Variants in LRP1B observed in about 807,000 individuals in gnomAD.
LRP1B encodes the protein low-density lipoprotein receptor-related protein 1B.
A neutral mutation model predicts 556.6 loss-of-function variants in LRP1B; 217 were observed. The ratio of observed to expected loss-of-function variants is 0.39; its 90% CI spans 0.35 to 0.44. The LOEUF is 0.44. Among genes scored for constraint, LRP1B ranks in the 20% least tolerant of loss-of-function variants. LRP1B has a pLI of 1.00. For missense variants in LRP1B, 5,053 were observed against 5,620.8 expected, an observed-to-expected ratio of 0.90 and a Z score of 3.23; for synonymous variants, 2,047 against 1,865.8, an observed-to-expected ratio of 1.10 and a Z score of -2.50.
intron 1 of LRP1B, among the ~76,000 whole-genome samples, chr2:141,932,392 A>T (rs2104997203): frequency 6.6e-6 from 1 of 152,210 alleles, no homozygotes; most frequent in Middle Eastern, 3.4e-3. Flanking sequence ...ACAACCGAAG[A>T]ATATACTCTT....
chr2:140,582,327 C>T (rs1049148481), intron 43 of LRP1B, among the ~76,000 whole-genome samples: 2 of 151,936 alleles, frequency 1.3e-5, no homozygotes, highest in South Asian at 4.1e-4. Flanking sequence ...TAAAAGCCCC[C>T]TAAGGGATGC....
At position 140,467,449 on chromosome 2, in the gene LRP1B, A is replaced by T. The variant is rs535457671; in HGVS notation, c.9625+7689T>A. 2.3e-3 allele frequency among the ~76,000 whole-genome samples: 317 copies of T among 136,980 alleles called. 2 individuals carry two copies. Among genetic ancestry groups the T allele is most frequent in the Admixed American group, 4.6e-3 (64 of 13,904 alleles). 89.9% of individuals were successfully genotyped at this position (136,980 alleles called of 152,430 possible). A position where few individuals can be genotyped will look rare whatever the true frequency, so the allele number is the denominator to read the frequency against. ...TGAAACCCCATCTCTAGTAAAAATT[A>T]AAAAAAAAAAAAATTTGCTGGGCCT... On this transcript the variant is annotated intron_variant, in intron 60 of 90. Transcript: ENST00000389484.
chr2:141,822,627 T>A lies in LRP1B; in HGVS notation c.83-12226A>T, dbSNP rs114530401. On this transcript the variant is annotated intron_variant, in intron 1 of 90. Transcript: ENST00000389484. ...ATGTGAAATCTCCTATCTATTATGC[T>A]GTGTTTTAACCATTAAAGGCCCTTC... is the stretch of plus-strand genomic sequence containing the variant. Among the ~76,000 whole-genome samples, 463 of 152,322 alleles carry A rather than the reference T, an allele frequency of 3.0e-3. 2 individuals are homozygous for A. The highest frequency in any genetic ancestry group is 0.011 in the African/African-American group (448 of 41,568).
intron 84 of LRP1B, among the ~76,000 whole-genome samples, chr2:140,284,001 G>C (rs1683021612): frequency 6.6e-6 from 1 of 151,560 alleles, no homozygotes; most frequent in Non-Finnish European, 1.5e-5. Flanking sequence ...ATAAGCATAT[G>C]AAGGCCTGAA....
At chr2:141,062,819 T>C (rs547621215) in intron 7 of LRP1B, among the ~76,000 whole-genome samples, 1 of 151,920 alleles carries the variant, frequency 6.6e-6, no homozygotes, top group South Asian at 2.1e-4. Context: ...AAATAATCAA[T>C]TCCCCACCAA....
chr2:140,312,714 T>A (rs570998765), intron 83 of LRP1B, among the ~76,000 whole-genome samples: 4 of 151,928 alleles, frequency 2.6e-5, no homozygotes, highest in Non-Finnish European at 4.4e-5. Flanking sequence ...ATAATCAATA[T>A]CAAAATATTT....
chr2:140,920,112 G>C (rs7562690), intron 21 of LRP1B, among the ~76,000 whole-genome samples: 29,433 of 151,868 alleles, frequency 0.19, 3,624 homozygotes, highest in East Asian at 0.4. Flanking sequence ...ATGAAGAAAG[G>C]CATTTCTGAG....
intron 2 of LRP1B, among the ~76,000 whole-genome samples, chr2:141,768,574 G>T (rs938194312): frequency 1.1e-4 from 17 of 152,084 alleles, no homozygotes; most frequent in African/African-American, 4.1e-4. Context: ...TTACCATTTT[G>T]CATCCACTGA....
At chr2:141,707,404 A>G (rs1356806527) in intron 2 of LRP1B, among the ~76,000 whole-genome samples, 1 of 152,064 alleles carries the variant, frequency 6.6e-6, no homozygotes, top group East Asian at 1.9e-4. Context: ...TCTGATACCA[A>G]TTCTCCATAC....
intron 25 of LRP1B, among the ~76,000 whole-genome samples, chr2:140,878,546 T>G (rs1415152284): frequency 6.6e-6 from 1 of 152,162 alleles, no homozygotes; most frequent in Non-Finnish European, 1.5e-5. Flanking sequence ...TCAATTTAAT[T>G]TTGAGTGCAC....
chr2:141,254,126 A>G (rs1278577448), intron 4 of LRP1B, among the ~76,000 whole-genome samples: 5 of 152,132 alleles, frequency 3.3e-5, no homozygotes, highest in Non-Finnish European at 5.9e-5. Flanking sequence ...AGCTGCCAGA[A>G]TAACCAATGC....
intron 11 of LRP1B, among the ~76,000 whole-genome samples, chr2:141,023,056 TTAA>T (rs1352905843): frequency 6.6e-6 from 1 of 151,878 alleles, no homozygotes; most frequent in East Asian, 1.9e-4. Flanking sequence ...TTTGTTTAGA[TTAA>T]TATTATGTCT....
At chr2:141,957,403 G>A (rs1376831438) in intron 1 of LRP1B, among the ~76,000 whole-genome samples, 6 of 124,562 alleles carry the variant, frequency 4.8e-5, no homozygotes, top group Non-Finnish European at 1.0e-4. Context: ...GGGGCGGGGG[G>A]GTGTACACTC....
Position 141,581,220 on chromosome 2 carries a change from G to A in LRP1B, c.206-100687C>T, listed in dbSNP as rs190593631. ...CAGTTATCTCTCTGACACTGCTCCC[G>A]ATAATGGAAAAGATTTCTGCTTATT... On this transcript the variant is annotated intron_variant, in intron 2 of 90. Coordinates refer to ENST00000389484, the MANE Select transcript of LRP1B (RefSeq NM_018557.3). Among the ~76,000 whole-genome samples the A allele has an allele frequency of 1.9e-4, 29 of 152,196 alleles. No individual in the cohort carries two copies. In the South Asian group the frequency reaches 2.3e-3, roughly 12 times the overall value.
At chr2:141,256,179 A>T (rs1180420240) in intron 3 of LRP1B, among the ~76,000 whole-genome samples, 2 of 152,092 alleles carry the variant, frequency 1.3e-5, no homozygotes, top group African/African-American at 4.8e-5. Flanking sequence ...GATATCTGAG[A>T]AACAGTTGTA....
At chr2:140,366,466 T>C (rs1454702593) in intron 71 of LRP1B, among the ~76,000 whole-genome samples, 1 of 151,654 alleles carries the variant, frequency 6.6e-6, no homozygotes, top group African/African-American at 2.4e-5. Context: ...GTCTGAAATA[T>C]AGGATAGGTT....
intron 41 of LRP1B, among the ~76,000 whole-genome samples, chr2:140,687,014 A>G (rs1236358748): frequency 6.6e-6 from 1 of 152,166 alleles, no homozygotes; most frequent in Non-Finnish European, 1.5e-5. Flanking sequence ...AGGTAAAGAA[A>G]AAAGGAGACT....
At chr2:140,422,669 AG>A (rs1685495012) in intron 66 of LRP1B, among the ~76,000 whole-genome samples, 1 of 152,218 alleles carries the variant, frequency 6.6e-6, no homozygotes, top group Non-Finnish European at 1.5e-5. Flanking sequence ...TCTATTGAAA[AG>A]GATAAAAAGA....
At chr2:140,701,661 A>T (rs1056002678) in intron 40 of LRP1B, 60 bp downstream of exon 40, 2 of 1,509,682 alleles carry the variant, frequency 1.3e-6, no homozygotes. Context: ...CAATGTTTTT[A>T]AAAATTGGAG....
Sources: gnomAD v4.1 joint callset for allele counts (sites outside exome capture counted in the v4.1 genomes callset) on GRCh38, gnomAD v4.1.1 for gene constraint, MANE v1.5 for transcripts, NCBI Gene and HGNC (gene_info 2026-07-23, HGNC 2026-07-21) for gene names.